SLC39A11: variants seen among roughly 807,000 people sequenced by gnomAD.
SLC39A11 encodes solute carrier family 39 member 11, also known as zinc transporter ZIP11.
A neutral mutation model predicts 36.1 loss-of-function variants in SLC39A11; 33 were observed. That is an observed-to-expected ratio of 0.91 (90% CI 0.69 to 1.22). The LOEUF (loss-of-function observed/expected upper bound fraction) is 1.22. Ranked by LOEUF, SLC39A11 falls within the 50% of genes most tolerant of loss-of-function variation. The probability of loss-of-function intolerance (pLI) is 0.00; values close to 1 mark genes in which losing one functional copy is unlikely to be tolerated. For missense variants in SLC39A11, 432 were observed against 430.3 expected (o/e 1.00, Z -0.03); for synonymous variants, 166 against 170.3 (o/e 0.97, Z 0.20).
At chr17:72,774,681 C>A (rs375401360) in intron 6 of SLC39A11, among the ~76,000 whole-genome samples, 21 of 152,244 alleles carry the variant, frequency 1.4e-4, no homozygotes, top group African/African-American at 3.6e-4. Context: ...GGCAGTGACC[C>A]AATCTACTGC....
intron 7 of SLC39A11, among the ~76,000 whole-genome samples, chr17:72,667,570 G>C (rs1016390498): frequency 6.6e-6 from 1 of 152,192 alleles, no homozygotes; most frequent in Non-Finnish European, 1.5e-5. Flanking sequence ...TAGGGTGGCT[G>C]GGGATATCAT....
chr17:72,943,985 G>A (rs1567994741), intron 5 of SLC39A11, among the ~76,000 whole-genome samples: 1 of 152,150 alleles, frequency 6.6e-6, no homozygotes, highest in East Asian at 1.9e-4. Flanking sequence ...GACACCACAT[G>A]GCAGGATCCA....
chr17:73,002,993 C>T (rs2089905804), intron 4 of SLC39A11, among the ~76,000 whole-genome samples: 1 of 152,160 alleles, frequency 6.6e-6, no homozygotes, highest in South Asian at 2.1e-4. Flanking sequence ...GCATTACCTC[C>T]CCATCTCCAC....
intron 6 of SLC39A11, among the ~76,000 whole-genome samples, chr17:72,800,944 T>C (rs2077064068): frequency 6.6e-6 from 1 of 152,208 alleles, no homozygotes. Flanking sequence ...TTAAAACTAA[T>C]GTGCCATGCA....
chr17:72,743,419 A>G (rs186138025), intron 6 of SLC39A11, among the ~76,000 whole-genome samples: 1 of 152,198 alleles, frequency 6.6e-6, no homozygotes, highest in Non-Finnish European at 1.5e-5. Flanking sequence ...AGCAGGGGAC[A>G]AAAGTTCACA....
At chr17:72,869,886 C>T (rs567285276) in intron 5 of SLC39A11, among the ~76,000 whole-genome samples, 1 of 152,182 alleles carries the variant, frequency 6.6e-6, no homozygotes, top group East Asian at 1.9e-4. Context: ...AGTATTTCTT[C>T]CCACAAATAA....
chr17:72,802,872 T>G (rs1286749844), intron 6 of SLC39A11, among the ~76,000 whole-genome samples: 2 of 152,120 alleles, frequency 1.3e-5, no homozygotes, highest in Non-Finnish European at 2.9e-5. Context: ...GTCAAAACTA[T>G]GGAAAGTCCC....
At chr17:72,835,643 T>C (rs1329132130) in intron 6 of SLC39A11, among the ~76,000 whole-genome samples, 2 of 152,176 alleles carry the variant, frequency 1.3e-5, no homozygotes, top group African/African-American at 4.8e-5. Flanking sequence ...GTATTTTTTG[T>C]AGAGACGGGG....
intron 4 of SLC39A11, among the ~76,000 whole-genome samples, chr17:73,009,151 C>G (rs940101620): frequency 1.3e-5 from 2 of 150,772 alleles, no homozygotes; most frequent in Non-Finnish European, 2.9e-5. Context: ...ATCACAAGGT[C>G]AGGAGATCGA....
At chr17:72,789,311 G>A (rs1409207844) in intron 6 of SLC39A11, among the ~76,000 whole-genome samples, 1 of 152,164 alleles carries the variant, frequency 6.6e-6, no homozygotes, top group Admixed American at 6.5e-5. Flanking sequence ...TGACTGCAGT[G>A]TAATATTTAC....
At chr17:72,691,730 G>GTCATT (rs2144436227) in intron 7 of SLC39A11, among the ~76,000 whole-genome samples, 2 of 152,306 alleles carry the variant, frequency 1.3e-5, no homozygotes, top group Non-Finnish European at 2.9e-5. Flanking sequence ...TCACACTGGA[G>GTCATT]TCATTCCCAT....
intron 7 of SLC39A11, among the ~76,000 whole-genome samples, chr17:72,735,699 A>C (rs2074398707): frequency 5.3e-5 from 8 of 152,266 alleles, no homozygotes; most frequent in Admixed American, 5.2e-4. Flanking sequence ...TAGTCCCCTG[A>C]AGCCACTTGA....
chr17:72,794,849 A>G (rs2076840850), intron 6 of SLC39A11, among the ~76,000 whole-genome samples: 1 of 146,660 alleles, frequency 6.8e-6, no homozygotes, highest in Non-Finnish European at 1.5e-5. Flanking sequence ...AACAACACAC[A>G]TTGACTATCT....
At chr17:72,898,863 C>T (rs1372440916) in intron 5 of SLC39A11, among the ~76,000 whole-genome samples, 1 of 152,232 alleles carries the variant, frequency 6.6e-6, no homozygotes, top group African/African-American at 2.4e-5. Context: ...CTTTCCCCTG[C>T]AGCAGTTGCT....
chr17:72,674,295 A>G (rs1329723180), intron 7 of SLC39A11, among the ~76,000 whole-genome samples: 1 of 152,196 alleles, frequency 6.6e-6, no homozygotes, highest in Non-Finnish European at 1.5e-5. Flanking sequence ...ACAGTATACT[A>G]CAGATACTCA....
At chr17:72,843,630 G>A (rs1446295168) in intron 6 of SLC39A11, among the ~76,000 whole-genome samples, 3 of 152,126 alleles carry the variant, frequency 2.0e-5, no homozygotes, top group Non-Finnish European at 4.4e-5. Context: ...CTGGCAGCCC[G>A]ATCTCAGGCT....
intron 6 of SLC39A11, among the ~76,000 whole-genome samples, chr17:72,831,161 C>T (rs944192410): frequency 6.6e-6 from 1 of 151,952 alleles, no homozygotes; most frequent in African/African-American, 2.4e-5. Flanking sequence ...CATGCCCCAA[C>T]CTCTTCCCTA....
intron 4 of SLC39A11, among the ~76,000 whole-genome samples, chr17:73,010,624 C>T (rs1483392008): frequency 6.6e-6 from 1 of 152,174 alleles, no homozygotes; most frequent in East Asian, 1.9e-4. Context: ...CCACCTCACC[C>T]TTTACTCAAA....
At chr17:72,817,710 A>T (rs1049501554) in intron 6 of SLC39A11, among the ~76,000 whole-genome samples, 2 of 152,064 alleles carry the variant, frequency 1.3e-5, no homozygotes, top group African/African-American at 4.8e-5. Context: ...ATTTCCCTTT[A>T]CCTTCCACTC....
Sources: gnomAD v4.1 joint callset for allele counts (sites outside exome capture counted in the v4.1 genomes callset) on GRCh38, gnomAD v4.1.1 for gene constraint, MANE v1.5 for transcripts, NCBI Gene and HGNC (gene_info 2026-07-23, HGNC 2026-07-21) for gene names.